B3GLCT: variants seen among roughly 807,000 people sequenced by gnomAD.
B3GLCT encodes beta-1,3-glucosyltransferase.
B3GLCT carries 65 observed loss-of-function variants against 63.4 expected under a neutral mutation model. That is an observed-to-expected ratio of 1.03 (90% CI 0.84 to 1.26). B3GLCT has a LOEUF of 1.26. Ranked by LOEUF, B3GLCT falls within the 50% of genes most tolerant of loss-of-function variation. B3GLCT has a pLI of 0.00. For missense variants in B3GLCT, 577 were observed against 604.8 expected, an observed-to-expected ratio of 0.95 and a Z score of 0.48; for synonymous variants, 233 against 219.2, an observed-to-expected ratio of 1.06 and a Z score of -0.55.
At chr13:31,280,971 A>G (rs1873040584) in intron 10 of B3GLCT, among the ~76,000 whole-genome samples, 1 of 152,194 alleles carries the variant, frequency 6.6e-6, no homozygotes, top group African/African-American at 2.4e-5. Flanking sequence ...TTAAGCAAGG[A>G]AATGATCTCT....
chr13:31,241,469 G>A (rs1301476614), intron 4 of B3GLCT, among the ~76,000 whole-genome samples: 4 of 152,246 alleles, frequency 2.6e-5, no homozygotes, highest in African/African-American at 9.6e-5. Flanking sequence ...ATGCCCAGCA[G>A]GGATGGCCTC....
chr13:31,271,118 G>A (rs1214576526), intron 8 of B3GLCT, among the ~76,000 whole-genome samples: 1 of 152,192 alleles, frequency 6.6e-6, no homozygotes, highest in Non-Finnish European at 1.5e-5. Flanking sequence ...GCATGCCTAG[G>A]CAAACCCCCT....
Position 31,247,103 on chromosome 13 carries a change from C to G in B3GLCT, c.347+4C>G. Reference sequence around the variant, plus strand: ...CCATACTTCCGTTGTTACCGCAGTACGTTTGTTTAACTCACCTGTGAATTA... The same window carrying G: ...CCATACTTCCGTTGTTACCGCAGTAGGTTTGTTTAACTCACCTGTGAATTA... On this transcript the variant is annotated splice_donor_region_variant and intron_variant, in intron 5 of 14. Coordinates refer to ENST00000343307, the MANE Select transcript of B3GLCT (RefSeq NM_194318.4). 6.2e-7 allele frequency: 1 copy of G among 1,609,962 alleles called. No individual in the cohort carries two copies. Among genetic ancestry groups the G allele is most frequent in the Non-Finnish European group, 8.5e-7 (1 of 1,176,592 alleles).
chr13:31,330,028 T>C lies in B3GLCT; in HGVS notation c.*360T>C, dbSNP rs574145389. The C allele has an allele frequency of 2.0e-5, 6 of 305,276 alleles. No individual in the cohort carries two copies. The highest frequency in any genetic ancestry group is 1.6e-4 in the South Asian group (5 of 30,562). The allele number at this position is 305,276 out of a possible 1,614,324, so 18.9% of individuals were successfully genotyped here. ...CTCTTCATTGTAATGGAAGTTTCAG[T>C]TGGGCATGAGCCTGGAGAGATGTGA... On this transcript the variant is annotated 3_prime_UTR_variant, in exon 15 of 15. Transcript: ENST00000343307.
At position 31,274,574 on chromosome 13, in the gene B3GLCT, C is replaced by T. The variant is rs748880181; in HGVS notation, c.726C>T (p.Thr242=). 5.0e-6 allele frequency: 8 copies of T among 1,614,186 alleles called. No individual in the cohort carries two copies. The South Asian group carries it at 8.8e-5, about 18-fold the overall frequency. Residue 242 remains threonine, a synonymous_variant, in exon 9 of 15, where the codon ACC becomes ACT. Transcript: ENST00000343307. ...PPLTPVPEFC[T]NDVDFYCATT... ...TGACCCCAGTGCCTGAGTTTTGTAC[C>T]AATGACGTGGACTTCTACTGTGCTA...
intron 3 of B3GLCT, among the ~76,000 whole-genome samples, chr13:31,223,982 G>A (rs1031093787): frequency 3.3e-5 from 5 of 152,196 alleles, no homozygotes; most frequent in African/African-American, 7.2e-5. Context: ...TGGAAGGCGA[G>A]CTCTAGATAA....
chr13:31,238,805 T>C (rs1299785663), intron 4 of B3GLCT, among the ~76,000 whole-genome samples: 2 of 152,146 alleles, frequency 1.3e-5, no homozygotes, highest in African/African-American at 4.8e-5. Flanking sequence ...TCAACAAATA[T>C]TAATTGAGCA....
intron 12 of B3GLCT, among the ~76,000 whole-genome samples, chr13:31,288,881 G>A (rs531975786): frequency 6.6e-6 from 1 of 151,946 alleles, no homozygotes; most frequent in Non-Finnish European, 1.5e-5. Context: ...AATTTTCTGG[G>A]AACAGATCCC....
chr13:31,244,922 C>T (rs1316064276), intron 4 of B3GLCT, among the ~76,000 whole-genome samples: 5 of 151,832 alleles, frequency 3.3e-5, no homozygotes, highest in Non-Finnish European at 7.4e-5. Flanking sequence ...TGAGTACTCA[C>T]CTTTGGAGAG....
At chr13:31,302,475 G>A (rs1047700472) in intron 12 of B3GLCT, among the ~76,000 whole-genome samples, 7 of 138,242 alleles carry the variant, frequency 5.1e-5, no homozygotes, top group South Asian at 2.6e-4. Context: ...TGTGCGCACC[G>A]TGCGCGAGCC....
In B3GLCT at chr13:31,253,462, G is replaced by A. The variant is rs949289357; in HGVS notation, c.459+5496G>A. On this transcript the variant is annotated intron_variant, in intron 6 of 14. Coordinates refer to ENST00000343307, the MANE Select transcript of B3GLCT (RefSeq NM_194318.4). ...AAAAAAATTAGCTGGGCGTGGTGGCGGGTGCCTGTAGTCCCAGCTACTCGG... is the reference window on the plus strand; with the variant it reads ...AAAAAAATTAGCTGGGCGTGGTGGCAGGTGCCTGTAGTCCCAGCTACTCGG... Among the ~76,000 whole-genome samples the A allele has an allele frequency of 1.3e-5, 2 of 151,716 alleles. 1 individual carries two copies. Among genetic ancestry groups the A allele is most frequent in the South Asian group, 4.2e-4 (2 of 4,784 alleles).
rs71099943 is a variant in B3GLCT at position 31,213,621 on chromosome 13, A to ACCC, written c.71-1420_71-1418dup. Reference sequence around the variant, plus strand: ...AAACAAAACAACACCCCCCCACCCCACCCCCCCCCCCCGCCAAAACTCACT... The same window carrying ACCC: ...AAACAAAACAACACCCCCCCACCCCACCCCCCCCCCCCCCCGCCAAAACTCACT... On this transcript the variant is annotated intron_variant, in intron 1 of 14. Transcript: ENST00000343307. Among the ~76,000 whole-genome samples the ACCC allele has an allele frequency of 3.5e-4, 19 of 55,036 alleles. No individual in the cohort carries two copies. The South Asian group carries it at 8.5e-3, about 25-fold the overall frequency. The allele number at this position is 55,036 out of a possible 152,430, so 36.1% of individuals were successfully genotyped here. A position where few individuals can be genotyped will look rare whatever the true frequency, so the allele number is the denominator to read the frequency against.
chr13:31,253,634 G>C (rs1287392078), intron 6 of B3GLCT, among the ~76,000 whole-genome samples: 3 of 101,602 alleles, frequency 3.0e-5, no homozygotes, highest in Middle Eastern at 0.015. Context: ...AGAGAAGCAA[G>C]AGCAAGCAAA....
chr13:31,272,981 A>G (rs1278986677), intron 8 of B3GLCT, among the ~76,000 whole-genome samples: 1 of 152,122 alleles, frequency 6.6e-6, no homozygotes. Flanking sequence ...TTTCTTTAAC[A>G]ATATTTATTT....
intron 1 of B3GLCT, among the ~76,000 whole-genome samples, chr13:31,213,983 T>G (rs998078039): frequency 2.6e-5 from 4 of 152,192 alleles, no homozygotes; most frequent in African/African-American, 9.6e-5. Flanking sequence ...TTAGATTTCT[T>G]TCTTTTGAGC....
intron 1 of B3GLCT, among the ~76,000 whole-genome samples, chr13:31,211,290 A>G (rs1310508063): frequency 1.3e-5 from 2 of 152,090 alleles, no homozygotes; most frequent in African/African-American, 4.8e-5. Flanking sequence ...AGCTACTCGG[A>G]GGCTAAGGTA....
At chr13:31,223,033 A>G (rs777482806) in intron 3 of B3GLCT, 42 bp downstream of exon 3, 15 of 1,211,928 alleles carry the variant, frequency 1.2e-5, no homozygotes, top group Admixed American at 1.0e-4. Context: ...GTACTTAGGT[A>G]TATTTTGTAT....
chr13:31,329,750 A>C lies in B3GLCT; in HGVS notation c.*82A>C. On this transcript the variant is annotated 3_prime_UTR_variant, in exon 15 of 15. Transcript: ENST00000343307. ...CATCCCACTGTGCTGTGCTCACAAC[A>C]CTTGTGTCTGCCACATGGCATTGGG... is the stretch of plus-strand genomic sequence containing the variant. The C allele has an allele frequency of 6.7e-7, 1 of 1,489,034 alleles. No individual in the cohort carries two copies. 92.2% of individuals were successfully genotyped at this position (1,489,034 alleles called of 1,614,324 possible).
chr13:31,249,875 A>C (rs1398428975), intron 6 of B3GLCT, among the ~76,000 whole-genome samples: 1 of 152,218 alleles, frequency 6.6e-6, no homozygotes, highest in East Asian at 1.9e-4. Context: ...TGGCTTTGAT[A>C]TTTACACAAA....
Sources: gnomAD v4.1 joint callset for allele counts (sites outside exome capture counted in the v4.1 genomes callset) on GRCh38, gnomAD v4.1.1 for gene constraint, MANE v1.5 for transcripts, NCBI Gene and HGNC (gene_info 2026-07-23, HGNC 2026-07-21) for gene names.